VWA3A: variants seen among roughly 807,000 people sequenced by gnomAD.
VWA3A encodes von Willebrand factor A domain containing 3A.
VWA3A carries 134 observed loss-of-function variants against 160.4 expected under a neutral mutation model. The ratio of observed to expected loss-of-function variants is 0.84; its 90% CI spans 0.73 to 0.96. VWA3A has a LOEUF of 0.96. Ranked by LOEUF, VWA3A falls within the 40% of genes least tolerant of loss-of-function variation. The pLI, the probability that VWA3A is intolerant of heterozygous loss-of-function variation, is 0.00. For missense variants in VWA3A, 1,310 were observed against 1,447.9 expected, an observed-to-expected ratio of 0.90 and a Z score of 1.55; for synonymous variants, 476 against 543.4, an observed-to-expected ratio of 0.88 and a Z score of 1.72.
At chr16:22,125,274 A>G (rs2141931147) in intron 16 of VWA3A, among the ~76,000 whole-genome samples, 1 of 151,810 alleles carries the variant, frequency 6.6e-6, no homozygotes, top group East Asian at 2.0e-4. Context: ...TGGTCCCAGC[A>G]ACTTGGGAAG....
At position 22,121,095 on chromosome 16, in the gene VWA3A, G is replaced by A; in HGVS notation, c.1244G>A (p.Gly415Asp). ...TCTGCAGAGTGGCTTAAGGTCAATG[G>A]TCTGAAAGGTAAATCTCCAAAGAGG... Reference protein sequence around the residue: ...KTSAEWLKVNGLKAKKLSLYQ... With the variant: ...KTSAEWLKVNDLKAKKLSLYQ... The change falls in exon 13 of 34, where the codon GGT becomes GAT. Residue 415 changes from glycine (G) to aspartate (D), a missense_variant. Transcript: ENST00000389398. 1.2e-6 allele frequency: 2 copies of A among 1,613,902 alleles called. No individual in the cohort carries two copies. The highest frequency in any genetic ancestry group is 1.7e-6 in the Non-Finnish European group (2 of 1,179,880).
At chr16:22,124,576 TAGA>T (rs1245072483) in intron 16 of VWA3A, among the ~76,000 whole-genome samples, 47 of 141,018 alleles carry the variant, frequency 3.3e-4, no homozygotes, top group Non-Finnish European at 6.3e-4. Flanking sequence ...TTATTATTAT[TAGA>T]GACAGAGTCT....
chr16:22,155,514 G>C, intron 31 of VWA3A, 53 bp from the exon 32 acceptor site: 1 of 1,546,068 alleles, frequency 6.5e-7, no homozygotes, highest in South Asian at 1.1e-5. Context: ...TGAGATTTTG[G>C]ATTTTCAGCT....
At chr16:22,129,667 T>G (rs1008050519) in intron 17 of VWA3A, among the ~76,000 whole-genome samples, 30 of 152,036 alleles carry the variant, frequency 2.0e-4, no homozygotes, top group African/African-American at 6.5e-4. Context: ...AGCATTTTGA[T>G]TCTATGAATG....
chr16:22,151,205 G>A (rs940698688), intron 30 of VWA3A, among the ~76,000 whole-genome samples: 1 of 152,060 alleles, frequency 6.6e-6, no homozygotes, highest in Non-Finnish European at 1.5e-5. Context: ...ACTTGATCCA[G>A]GGAGGCAGAG....
At chr16:22,116,173 CAA>C (rs2045640516) in intron 9 of VWA3A, among the ~76,000 whole-genome samples, 1 of 104,514 alleles carries the variant, frequency 9.6e-6, no homozygotes. Flanking sequence ...AAGAAAGAAA[CAA>C]AGAATGAAAG....
At chr16:22,136,865 T>A (rs370478759) in intron 21 of VWA3A, among the ~76,000 whole-genome samples, 22 of 145,188 alleles carry the variant, frequency 1.5e-4, no homozygotes, top group African/African-American at 5.9e-4. Flanking sequence ...ACCCCGTCTC[T>A]ACTAAAAATA....
intron 20 of VWA3A, 23 bp from the exon 21 acceptor site, chr16:22,134,345 C>T (rs758855951): frequency 2.5e-6 from 4 of 1,581,266 alleles, no homozygotes; most frequent in Non-Finnish European, 3.4e-6. Context: ...TCTCACCTTG[C>T]TCACGATGTG....
intron 9 of VWA3A, among the ~76,000 whole-genome samples, 160 bp from the exon 10 acceptor site, chr16:22,116,599 G>A (rs566749904): frequency 1.3e-5 from 2 of 152,338 alleles, no homozygotes; most frequent in East Asian, 3.9e-4. Flanking sequence ...GGGCAGACAG[G>A]CCTGCAGTCC....
chr16:22,153,738 A>ATTT (rs66519465), intron 31 of VWA3A, among the ~76,000 whole-genome samples: 3,589 of 132,444 alleles, frequency 0.027, 155 homozygotes, highest in African/African-American at 0.054. Context: ...ACATGGCATA[A>ATTT]TTTTTTTTTT....
chr16:22,115,878 G>GAAGA (rs2045625053), intron 9 of VWA3A, among the ~76,000 whole-genome samples: 1 of 24,424 alleles, frequency 4.1e-5, no homozygotes, highest in Non-Finnish European at 6.6e-5. Flanking sequence ...AGGAAGGAAG[G>GAAGA]AAGGAAGGAA....
Position 22,123,127 on chromosome 16 carries a change from A to C in VWA3A, c.1399A>C (p.Asn467His), listed in dbSNP as rs367621832. The change falls in exon 15 of 34, where the codon AAC becomes CAC. Residue 467 changes from asparagine to histidine, a missense_variant. Physicochemically the swap from Asn to His is moderately conservative, Grantham distance 68. Coordinates refer to ENST00000389398, the MANE Select transcript of VWA3A (RefSeq NM_173615.5). ...TGAATGGCACGACGGGACAGTGAAG[A>C]ACATTCATGTGGACCCACCCTTCCT... is the stretch of plus-strand genomic sequence containing the variant. ...QFEWHDGTVK[N>H]IHVDPPFLYK... 32 of 1,606,256 alleles carry C rather than the reference A, an allele frequency of 2.0e-5. No individual in the cohort carries two copies. In the African/African-American group the frequency reaches 2.3e-4, roughly 11 times the overall value.
chr16:22,121,196 A>G lies in VWA3A; in HGVS notation c.1252+93A>G, dbSNP rs1476460640. On this transcript the variant is annotated intron_variant, in intron 13 of 33. Transcript: ENST00000389398. Reference sequence around the variant, plus strand: ...CACAGTGGCTCACACCTGCAATCCCAGCACTTTGGGAGGCCAAGAAGGAAG... The same window carrying G: ...CACAGTGGCTCACACCTGCAATCCCGGCACTTTGGGAGGCCAAGAAGGAAG... 3.8e-6 allele frequency: 6 copies of G among 1,574,682 alleles called. No homozygotes were observed. The Admixed American group carries it at 8.6e-5, about 23-fold the overall frequency.
At chr16:22,123,521 C>G in intron 15 of VWA3A, 92 bp from the exon 16 acceptor site, 1 of 1,608,176 alleles carries the variant, frequency 6.2e-7, no homozygotes, top group African/African-American at 1.3e-5. Flanking sequence ...CACACCATTC[C>G]CTGAAGCCCA....
chr16:22,132,520 C>G lies in VWA3A; in HGVS notation c.1873-380C>G, dbSNP rs551522738. On this transcript the variant is annotated intron_variant, in intron 19 of 33. Coordinates refer to ENST00000389398, the MANE Select transcript of VWA3A (RefSeq NM_173615.5). ...CTATGTTTATGACCCTGCACTCCAG[C>G]CTAGGCAACAGAGCGAGACCCTGTC... Among the ~76,000 whole-genome samples the G allele has an allele frequency of 3.6e-4, 55 of 152,260 alleles. No homozygotes were observed. In the South Asian group the frequency reaches 0.011, roughly 29 times the overall value.
rs753313649 is a variant in VWA3A at position 22,138,424 on chromosome 16, C to G, written c.2204C>G (p.Pro735Arg). The G allele has an allele frequency of 1.9e-6, 3 of 1,612,332 alleles. No individual in the cohort carries two copies. The highest frequency in any genetic ancestry group is 1.7e-5 in the Admixed American group (1 of 59,798). ...SGKVLGSSALPKEKPKTLQLR... is the reference protein window; with the variant it reads ...SGKVLGSSALRKEKPKTLQLR... ...AAAGTACTGGGAAGTTCAGCCCTCC[C>G]GAAAGAAAAACCAAAGACACTTCAG... The change falls in exon 22 of 34, where the codon CCG (proline) becomes CGG (arginine). Residue 735 changes from proline to arginine, a missense_variant. By Grantham distance (103) the Pro-to-Arg change is moderately radical. Coordinates refer to ENST00000389398, the MANE Select transcript of VWA3A (RefSeq NM_173615.5).
intron 26 of VWA3A, 149 bp downstream of exon 26, chr16:22,144,533 T>C (rs529755333): frequency 9.9e-6 from 12 of 1,215,022 alleles, no homozygotes; most frequent in African/African-American, 4.6e-5. Flanking sequence ...AAATAGGAGA[T>C]GCAAAATCCT....
chr16:22,124,920 G>A (rs995628665), intron 16 of VWA3A, among the ~76,000 whole-genome samples: 3 of 152,050 alleles, frequency 2.0e-5, no homozygotes, highest in African/African-American at 7.2e-5. Flanking sequence ...GGCAGAAGGT[G>A]GGAATATAAG....
At chr16:22,121,764 A>G in intron 14 of VWA3A, 147 bp downstream of exon 14, 1 of 649,820 alleles carries the variant, frequency 1.5e-6, no homozygotes, top group Non-Finnish European at 2.6e-6. Context: ...AATCCACTGT[A>G]GCTGTTGGTT....
Sources: allele counts gnomAD v4.1 joint callset (sites outside exome capture counted in the v4.1 genomes callset), GRCh38; gene constraint gnomAD v4.1.1; transcripts MANE v1.5; gene names NCBI Gene and HGNC (gene_info 2026-07-23, HGNC 2026-07-21).